Variants in DCC observed in about 807,000 individuals in gnomAD.
DCC encodes netrin receptor DCC.
In DCC, 58 loss-of-function variants were observed where a neutral mutation model predicts 172.5. The observed-to-expected ratio is 0.34, with a 90% CI of 0.27 to 0.42. DCC has a LOEUF of 0.42. Ranked by LOEUF, DCC falls within the 10% of genes least tolerant of loss-of-function variation. The pLI is 1.00. For missense variants in DCC, 1,740 were observed against 1,791.0 expected, an observed-to-expected ratio of 0.97 and a Z score of 0.51; for synonymous variants, 709 against 644.5, an observed-to-expected ratio of 1.10 and a Z score of -1.52.
intron 2 of DCC, among the ~76,000 whole-genome samples, chr18:52,888,497 C>A (rs1307978758): frequency 6.6e-6 from 1 of 151,958 alleles, no homozygotes; most frequent in Non-Finnish European, 1.5e-5. Flanking sequence ...AAGACTATTA[C>A]CATTTCTCTA....
At chr18:52,606,028 C>A (rs2034123731) in intron 1 of DCC, among the ~76,000 whole-genome samples, 1 of 152,060 alleles carries the variant, frequency 6.6e-6, no homozygotes. Context: ...CTAAGTTTCA[C>A]TATCCAGTGG....
At chr18:53,032,421 C>T (rs1434587508) in intron 5 of DCC, among the ~76,000 whole-genome samples, 1 of 152,046 alleles carries the variant, frequency 6.6e-6, no homozygotes, top group African/African-American at 2.4e-5. Flanking sequence ...TAACCTTTTT[C>T]TTGTGATATA....
chr18:52,739,557 C>T (rs1284597621), intron 1 of DCC, among the ~76,000 whole-genome samples: 1 of 152,140 alleles, frequency 6.6e-6, no homozygotes, highest in Admixed American at 6.5e-5. Flanking sequence ...CTTCTGAGAG[C>T]TGAGTCTGTC....
intron 5 of DCC, among the ~76,000 whole-genome samples, chr18:53,014,781 G>T (rs1244109023): frequency 6.6e-6 from 1 of 152,030 alleles, no homozygotes; most frequent in Non-Finnish European, 1.5e-5. Flanking sequence ...GAGAATGGCT[G>T]AATTGCTGCA....
chr18:53,325,980 T>C (rs2057464323), intron 14 of DCC, among the ~76,000 whole-genome samples: 1 of 152,196 alleles, frequency 6.6e-6, no homozygotes, highest in South Asian at 2.1e-4. Context: ...ATAGAAGACA[T>C]TTTTCAAGGA....
intron 15 of DCC, among the ~76,000 whole-genome samples, chr18:53,362,079 G>A (rs1050845092): frequency 6.6e-6 from 1 of 152,058 alleles, no homozygotes. Context: ...CTTCATGATG[G>A]TAATGATACA....
chr18:52,350,932 T>C (rs1005075940), intron 1 of DCC, among the ~76,000 whole-genome samples: 1 of 152,204 alleles, frequency 6.6e-6, no homozygotes, highest in African/African-American at 2.4e-5. Flanking sequence ...AGGTATTGTG[T>C]TAAGGTGGCA....
At chr18:53,503,363 T>C (rs762045864) in intron 27 of DCC, among the ~76,000 whole-genome samples, 3 of 152,328 alleles carry the variant, frequency 2.0e-5, no homozygotes, top group South Asian at 2.1e-4. Context: ...AGGGTATTTA[T>C]GGTGTTTCTT....
rs1234340577 is a variant in DCC at position 53,446,115 on chromosome 18, C to CA, written c.3230-4376dup. Among the ~76,000 whole-genome samples the CA allele has an allele frequency of 4.2e-3, 465 of 109,906 alleles. 8 individuals carry two copies. The highest frequency in any genetic ancestry group is 0.038 in the South Asian group (131 of 3,410). The allele number at this position is 109,906 out of a possible 152,430, so 72.1% of individuals were successfully genotyped here. The stretch of plus-strand genomic sequence containing the variant: ...TGTCTCTACAAAAAAAAAAAAAAAA[C>CA]AAAAAAAAACACTTAAAAATTTTCC... On this transcript the variant is annotated intron_variant, in intron 22 of 28. Coordinates refer to ENST00000442544, the MANE Select transcript of DCC (RefSeq NM_005215.4).
At chr18:53,391,273 A>T (rs561441705) in intron 16 of DCC, among the ~76,000 whole-genome samples, 1 of 152,262 alleles carries the variant, frequency 6.6e-6, no homozygotes, top group South Asian at 2.1e-4. Context: ...TGGAACCCCC[A>T]TTTTTATCTT....
At chr18:52,789,203 T>G in intron 2 of DCC, among the ~76,000 whole-genome samples, 1 of 152,018 alleles carries the variant, frequency 6.6e-6, no homozygotes, top group East Asian at 1.9e-4. Context: ...AAGCCTTTGG[T>G]TTTGAGAGGG....
intron 8 of DCC, among the ~76,000 whole-genome samples, chr18:53,166,992 G>A (rs2054931288): frequency 6.6e-6 from 1 of 152,058 alleles, no homozygotes; most frequent in South Asian, 2.1e-4. Flanking sequence ...TAACATTCTG[G>A]CATTCACTAA....
At chr18:52,549,164 C>T (rs2032695675) in intron 1 of DCC, among the ~76,000 whole-genome samples, 1 of 151,756 alleles carries the variant, frequency 6.6e-6, no homozygotes, top group Admixed American at 6.6e-5. Flanking sequence ...ATTTGAAGCT[C>T]CTAATTGGAT....
At chr18:52,996,454 C>A (rs1387662014) in intron 5 of DCC, among the ~76,000 whole-genome samples, 1 of 151,850 alleles carries the variant, frequency 6.6e-6, no homozygotes, top group Non-Finnish European at 1.5e-5. Context: ...ATCAACACAG[C>A]CTAACTTCAC....
intron 2 of DCC, among the ~76,000 whole-genome samples, chr18:52,834,529 G>T (rs532842879): frequency 6.6e-6 from 1 of 152,092 alleles, no homozygotes; most frequent in African/African-American, 2.4e-5. Flanking sequence ...TGTGCCTAAG[G>T]ATTGCATGGT....
chr18:52,459,894 TATATACACAC>T (rs1474052909), intron 1 of DCC, among the ~76,000 whole-genome samples: 248 of 151,380 alleles, frequency 1.6e-3, no homozygotes, highest in African/African-American at 5.3e-3. Context: ...TATATATATA[TATATACACAC>T]ATATATATAC....
intron 2 of DCC, among the ~76,000 whole-genome samples, chr18:52,782,880 ACT>A (rs775320305): frequency 7.2e-5 from 11 of 152,030 alleles, no homozygotes; most frequent in Non-Finnish European, 8.8e-5. Context: ...AAAATCTGAC[ACT>A]CTACCTAGAA....
chr18:52,384,285 G>A (rs901846513), intron 1 of DCC, among the ~76,000 whole-genome samples: 1 of 152,016 alleles, frequency 6.6e-6, no homozygotes, highest in Non-Finnish European at 1.5e-5. Context: ...ACTTCCTACC[G>A]AGCTTCCTTC....
chr18:53,432,125 G>A (rs924524290), intron 21 of DCC, among the ~76,000 whole-genome samples: 1 of 151,950 alleles, frequency 6.6e-6, no homozygotes, highest in Non-Finnish European at 1.5e-5. Context: ...TAATACTTTT[G>A]ATAAGAATAC....
Sources: allele counts gnomAD v4.1 joint callset (sites outside exome capture counted in the v4.1 genomes callset), GRCh38; gene constraint gnomAD v4.1.1; transcripts MANE v1.5; gene names NCBI Gene and HGNC (gene_info 2026-07-23, HGNC 2026-07-21).